The following SNTB1 variants were observed in gnomAD, a reference collection of about 807,000 sequenced individuals.
SNTB1 encodes syntrophin beta 1.
Under a neutral mutation model 48.9 loss-of-function variants are expected in SNTB1, and 36 were observed. The ratio of observed to expected loss-of-function variants is 0.74; its 90% CI spans 0.56 to 0.97. SNTB1 has a LOEUF of 0.97. Among genes scored for constraint, SNTB1 ranks in the 50% least tolerant of loss-of-function variants. The pLI is 0.00. For synonymous variants in SNTB1, 299 were observed against 294.6 expected (o/e 1.01, Z -0.15); for missense variants, 786 against 703.4 (o/e 1.12, Z -1.33).
chr8:120,674,017 A>G (rs1234731708), intron 2 of SNTB1, among the ~76,000 whole-genome samples: 1 of 152,194 alleles, frequency 6.6e-6, no homozygotes, highest in Non-Finnish European at 1.5e-5. Context: ...TTCCCTCATA[A>G]GCAGAGCCTC....
intron 1 of SNTB1, among the ~76,000 whole-genome samples, chr8:120,696,716 C>CT (rs1303979968): frequency 6.6e-6 from 1 of 152,088 alleles, no homozygotes; most frequent in East Asian, 1.9e-4. Context: ...TAGGTGATCC[C>CT]TTGTAGGTTA....
At chr8:120,784,270 A>G (rs1292843028) in intron 1 of SNTB1, among the ~76,000 whole-genome samples, 6 of 151,952 alleles carry the variant, frequency 3.9e-5, no homozygotes, top group Non-Finnish European at 8.8e-5. Context: ...CTGGGATTAT[A>G]GGTGTGAGGT....
intron 3 of SNTB1, among the ~76,000 whole-genome samples, chr8:120,597,327 A>C (rs141687249): frequency 1.3e-5 from 2 of 152,180 alleles, no homozygotes. Context: ...GAGAGAATAA[A>C]TTTCTGTTTT....
intron 1 of SNTB1, among the ~76,000 whole-genome samples, chr8:120,738,470 T>C (rs1818985249): frequency 6.6e-6 from 1 of 152,132 alleles, no homozygotes; most frequent in South Asian, 2.1e-4. Flanking sequence ...ATTATCTTCA[T>C]GTTTTAGAAA....
intron 3 of SNTB1, among the ~76,000 whole-genome samples, chr8:120,601,877 TCAGA>T (rs1349134139): frequency 2.6e-5 from 4 of 152,184 alleles, no homozygotes; most frequent in Non-Finnish European, 5.9e-5. Context: ...TTTACAGCCC[TCAGA>T]CAGTCACCAG....
chr8:120,626,152 G>T (rs1816878723), intron 3 of SNTB1, among the ~76,000 whole-genome samples: 1 of 152,038 alleles, frequency 6.6e-6, no homozygotes, highest in Non-Finnish European at 1.5e-5. Context: ...AATTGCTATT[G>T]TTGGAACTGA....
intron 4 of SNTB1, among the ~76,000 whole-genome samples, chr8:120,551,725 C>CAAAAAAAA (rs764008790): frequency 9.3e-5 from 4 of 42,824 alleles, no homozygotes; most frequent in Admixed American, 2.7e-4. Flanking sequence ...GACTCCATCT[C>CAAAAAAAA]AAAAAAAAAA....
In SNTB1 at chr8:120,679,351, G is replaced by A. The variant is rs902875951; in HGVS notation, c.788+14341C>T. Reference sequence around the variant, plus strand: ...AACACAAAACTCTCAAAATGCAGTCGTACTCTAAGTCTCAATTTAGGCAAT... The same window carrying A: ...AACACAAAACTCTCAAAATGCAGTCATACTCTAAGTCTCAATTTAGGCAAT... On this transcript the variant is annotated intron_variant, in intron 2 of 6. Coordinates refer to ENST00000517992, the MANE Select transcript of SNTB1 (RefSeq NM_021021.4). Among the ~76,000 whole-genome samples the A allele has an allele frequency of 3.9e-5, 6 of 152,204 alleles. No individual in the cohort carries two copies. The East Asian group carries it at 7.7e-4, about 20-fold the overall frequency.
chr8:120,631,956 T>G (rs1346521543), intron 3 of SNTB1, among the ~76,000 whole-genome samples: 2 of 152,126 alleles, frequency 1.3e-5, no homozygotes, highest in African/African-American at 4.8e-5. Flanking sequence ...TAAGGTAACA[T>G]AAGAAAAGAG....
chr8:120,650,562 G>A (rs1047690242), intron 2 of SNTB1, among the ~76,000 whole-genome samples: 2 of 152,070 alleles, frequency 1.3e-5, no homozygotes, highest in Admixed American at 1.3e-4. Flanking sequence ...TAAGGCAAAC[G>A]ATAGGTACTT....
chr8:120,777,451 A>T (rs1413188249), intron 1 of SNTB1, among the ~76,000 whole-genome samples: 2 of 152,236 alleles, frequency 1.3e-5, no homozygotes, highest in Non-Finnish European at 2.9e-5. Context: ...TTAAAAAATC[A>T]GCCGCTAGAT....
At chr8:120,708,560 C>G (rs1399462036) in intron 1 of SNTB1, among the ~76,000 whole-genome samples, 1 of 151,974 alleles carries the variant, frequency 6.6e-6, no homozygotes. Flanking sequence ...AAATGCCAAA[C>G]AAAATGTCAG....
chr8:120,698,012 G>T (rs946696115), intron 1 of SNTB1, among the ~76,000 whole-genome samples: 2 of 152,136 alleles, frequency 1.3e-5, no homozygotes, highest in Non-Finnish European at 2.9e-5. Context: ...GATAAAGTAA[G>T]AAAATCTAAA....
chr8:120,686,907 C>G (rs1263856223), intron 2 of SNTB1, among the ~76,000 whole-genome samples: 1 of 152,018 alleles, frequency 6.6e-6, no homozygotes, highest in African/African-American at 2.4e-5. Context: ...ATGAAGCCAC[C>G]ATGACGTGCC....
intron 1 of SNTB1, among the ~76,000 whole-genome samples, chr8:120,783,190 T>C (rs1230725390): frequency 6.7e-6 from 1 of 149,302 alleles, no homozygotes; most frequent in Admixed American, 6.6e-5. Context: ...ATATCACTGA[T>C]ATTTTCCAAA....
intron 1 of SNTB1, among the ~76,000 whole-genome samples, chr8:120,736,604 C>A (rs1818948559): frequency 6.6e-6 from 1 of 152,154 alleles, no homozygotes; most frequent in Admixed American, 6.5e-5. Flanking sequence ...TATAAAAAGG[C>A]TTCACAAATA....
intron 1 of SNTB1, among the ~76,000 whole-genome samples, chr8:120,775,087 C>T (rs1484654359): frequency 6.6e-6 from 1 of 152,102 alleles, no homozygotes; most frequent in Non-Finnish European, 1.5e-5. Flanking sequence ...AAATTTTTGT[C>T]ATAACATACT....
intron 2 of SNTB1, among the ~76,000 whole-genome samples, chr8:120,651,646 AG>A (rs1817412770): frequency 6.6e-6 from 1 of 152,212 alleles, no homozygotes; most frequent in South Asian, 2.1e-4. Context: ...TTTTTTAAAA[AG>A]GTAGTTTCAA....
Position 120,548,874 on chromosome 8 carries a change from C to A in SNTB1, c.1221G>T (p.Gly407=). Residue 407 remains glycine, a synonymous_variant, in exon 5 of 7, where the codon GGG becomes GGT. Transcript: ENST00000517992. ...SFATRTGTRQ[G]IETHLFRAET... ...CTGCTCTGAAGAGATGTGTTTCAAT[C>A]CCTTGCCTGGTACCAGTTCGCGTTG... The A allele has an allele frequency of 6.2e-7, 1 of 1,613,954 alleles. No homozygotes were observed. The highest frequency in any genetic ancestry group is 8.5e-7 in the Non-Finnish European group (1 of 1,179,942).
Sources: gnomAD v4.1 joint callset for allele counts (sites outside exome capture counted in the v4.1 genomes callset) on GRCh38, gnomAD v4.1.1 for gene constraint, MANE v1.5 for transcripts, NCBI Gene and HGNC (gene_info 2026-07-23, HGNC 2026-07-21) for gene names.